EPHA6: variants seen among roughly 807,000 people sequenced by gnomAD.
EPHA6 encodes the protein ephrin type-A receptor 6.
Under a neutral mutation model 112.0 loss-of-function variants are expected in EPHA6, and 50 were observed. The observed-to-expected ratio is 0.45, with a 90% CI of 0.36 to 0.56. The LOEUF is 0.56. EPHA6 is among the 20% of genes least tolerant of loss of function. The pLI is 0.00. For synonymous variants in EPHA6, 529 were observed against 490.7 expected (o/e 1.08, Z -1.03); for missense variants, 1,280 against 1,417.4 (o/e 0.90, Z 1.56).
chr3:97,088,941 C>CATCT (rs963291088), intron 3 of EPHA6, among the ~76,000 whole-genome samples: 2 of 152,078 alleles, frequency 1.3e-5, no homozygotes, highest in African/African-American at 4.8e-5. Context: ...GGGAAAAGAG[C>CATCT]ATCTTTCTAA....
chr3:97,249,135 T>C (rs1381367708), intron 5 of EPHA6, among the ~76,000 whole-genome samples: 2 of 152,128 alleles, frequency 1.3e-5, no homozygotes, highest in Admixed American at 1.3e-4. Context: ...TTTTGTTTAT[T>C]AAAACAGGCA....
intron 11 of EPHA6, among the ~76,000 whole-genome samples, chr3:97,567,076 T>G (rs1057418038): frequency 6.6e-6 from 1 of 152,198 alleles, no homozygotes; most frequent in African/African-American, 2.4e-5. Flanking sequence ...GTCTAGTATT[T>G]TCGGTTCATT....
chr3:97,360,837 C>T (rs1012881034), intron 5 of EPHA6, among the ~76,000 whole-genome samples: 1 of 152,106 alleles, frequency 6.6e-6, no homozygotes, highest in African/African-American at 2.4e-5. Flanking sequence ...TAAACAAAAA[C>T]ATTTATTTTG....
intron 14 of EPHA6, among the ~76,000 whole-genome samples, chr3:97,690,665 G>A (rs936182494): frequency 2.6e-5 from 4 of 151,794 alleles, no homozygotes; most frequent in Non-Finnish European, 4.4e-5. Context: ...ACGAGGTTTC[G>A]CCATGTTGAC....
At chr3:97,502,056 C>T (rs530986412) in intron 10 of EPHA6, among the ~76,000 whole-genome samples, 3 of 151,716 alleles carry the variant, frequency 2.0e-5, no homozygotes, top group South Asian at 2.1e-4. Flanking sequence ...CCAGGGCTTA[C>T]GTACCACAGA....
rs114873127 is a variant in EPHA6 at position 97,696,732 on chromosome 3, G to A, written c.2785-23529G>A. 7.2e-4 allele frequency among the ~76,000 whole-genome samples: 109 copies of A among 152,172 alleles called. 1 individual carries two copies. Among genetic ancestry groups the A allele is most frequent in the African/African-American group, 2.0e-3 (81 of 41,520 alleles). ...ACTGAGTGTGTACTATGGTCCAAGC[G>A]TTGCTACATGTGTTAACTTATTAAA... On this transcript the variant is annotated intron_variant, in intron 14 of 17. Coordinates refer to ENST00000389672, the MANE Select transcript of EPHA6 (RefSeq NM_001080448.3).
At chr3:97,503,047 A>G (rs1049999375) in intron 10 of EPHA6, among the ~76,000 whole-genome samples, 13 of 151,996 alleles carry the variant, frequency 8.6e-5, no homozygotes, top group African/African-American at 3.1e-4. Flanking sequence ...AAAGGAAAAG[A>G]AGATATAACT....
At chr3:97,671,413 A>G (rs1388108612) in intron 14 of EPHA6, among the ~76,000 whole-genome samples, 1 of 152,198 alleles carries the variant, frequency 6.6e-6, no homozygotes, top group Admixed American at 6.5e-5. Context: ...AGGAAGTAGT[A>G]ATTGAGATAA....
At chr3:97,112,237 G>A (rs2047745462) in intron 3 of EPHA6, among the ~76,000 whole-genome samples, 2 of 152,068 alleles carry the variant, frequency 1.3e-5, no homozygotes, top group Admixed American at 1.3e-4. Context: ...TTTATGTGCT[G>A]GTATGCCTTT....
chr3:97,324,991 C>T (rs1277971504), intron 5 of EPHA6, among the ~76,000 whole-genome samples: 1 of 152,040 alleles, frequency 6.6e-6, no homozygotes. Context: ...TTCTAAAGAG[C>T]CATCCCATTC....
intron 5 of EPHA6, among the ~76,000 whole-genome samples, chr3:97,269,473 G>C (rs2079808866): frequency 6.6e-6 from 1 of 152,094 alleles, no homozygotes; most frequent in African/African-American, 2.4e-5. Flanking sequence ...TCTTACACCT[G>C]GGGTGGACCC....
chr3:97,583,380 ATACAAAAAATTAGCTGAG>A (rs2093457693), intron 11 of EPHA6, among the ~76,000 whole-genome samples: 1 of 152,010 alleles, frequency 6.6e-6, no homozygotes, highest in African/African-American at 2.4e-5. Flanking sequence ...TCTACTAAAA[ATACAAAAAATTAGCTGAG>A]CGTGGTGGTG....
At chr3:97,001,820 G>A (rs189580234) in intron 3 of EPHA6, among the ~76,000 whole-genome samples, 8 of 152,008 alleles carry the variant, frequency 5.3e-5, no homozygotes, top group Non-Finnish European at 7.4e-5. Context: ...CATTGAGACC[G>A]TAAAAACAAG....
intron 1 of EPHA6, among the ~76,000 whole-genome samples, chr3:96,852,138 T>G (rs2035427728): frequency 6.6e-6 from 1 of 152,092 alleles, no homozygotes; most frequent in Non-Finnish European, 1.5e-5. Context: ...ACTGGAGTTT[T>G]AAATTTCTAA....
At chr3:97,319,378 C>T (rs772772744) in intron 5 of EPHA6, among the ~76,000 whole-genome samples, 9 of 150,852 alleles carry the variant, frequency 6.0e-5, no homozygotes, top group Non-Finnish European at 1.2e-4. Flanking sequence ...TTTAAAAGAC[C>T]GAAAAAATAT....
chr3:97,516,135 A>T, intron 10 of EPHA6, among the ~76,000 whole-genome samples: 1 of 152,196 alleles, frequency 6.6e-6, no homozygotes, highest in Admixed American at 6.6e-5. Flanking sequence ...AAATATTTAC[A>T]CATTAATCTG....
intron 3 of EPHA6, among the ~76,000 whole-genome samples, chr3:97,071,370 G>A (rs369986583): frequency 3.3e-5 from 5 of 151,990 alleles, no homozygotes; most frequent in Admixed American, 2.0e-4. Flanking sequence ...TTTTAATTTT[G>A]TGTTAGTCCG....
chr3:96,865,149 A>C (rs1389697925), intron 1 of EPHA6, among the ~76,000 whole-genome samples: 3 of 152,120 alleles, frequency 2.0e-5, no homozygotes, highest in Non-Finnish European at 4.4e-5. Flanking sequence ...ATTAAAATTT[A>C]TGACTTAGTT....
At chr3:96,974,771 G>A (rs1228677322) in intron 2 of EPHA6, among the ~76,000 whole-genome samples, 1 of 152,090 alleles carries the variant, frequency 6.6e-6, no homozygotes, top group East Asian at 1.9e-4. Context: ...TTTTGGTTAA[G>A]CAAGAATCAG....
Sources: gnomAD v4.1 joint callset for allele counts (sites outside exome capture counted in the v4.1 genomes callset) on GRCh38, gnomAD v4.1.1 for gene constraint, MANE v1.5 for transcripts, NCBI Gene and HGNC (gene_info 2026-07-23, HGNC 2026-07-21) for gene names.